Variants in SLC1A1 observed in about 807,000 individuals in gnomAD.
SLC1A1 encodes the protein solute carrier family 1 member 1.
Under a neutral mutation model 53.3 loss-of-function variants are expected in SLC1A1, and 43 were observed. The ratio of observed to expected loss-of-function variants is 0.81; its 90% CI spans 0.63 to 1.04. SLC1A1 has a LOEUF of 1.04. Ranked by LOEUF, SLC1A1 falls within the 50% of genes least tolerant of loss-of-function variation. The pLI, the probability that SLC1A1 is intolerant of heterozygous loss-of-function variation, is 0.00. For missense variants in SLC1A1, 748 were observed against 664.9 expected, an observed-to-expected ratio of 1.12 and a Z score of -1.37; for synonymous variants, 307 against 243.2, an observed-to-expected ratio of 1.26 and a Z score of -2.44.
intron 10 of SLC1A1, 83 bp downstream of exon 10, chr9:4,576,846 A>G: frequency 8.1e-7 from 1 of 1,240,872 alleles, no homozygotes; most frequent in Non-Finnish European, 1.2e-6. Context: ...GACACCAAGA[A>G]TGTCGCAGTG....
intron 1 of SLC1A1, among the ~76,000 whole-genome samples, chr9:4,512,057 A>G (rs972209888): frequency 3.3e-5 from 5 of 152,226 alleles, no homozygotes; most frequent in African/African-American, 1.2e-4. Context: ...AAAGAAATCA[A>G]TGAATGCCAA....
chr9:4,567,385 T>A (rs1819588176), intron 5 of SLC1A1, among the ~76,000 whole-genome samples: 1 of 152,234 alleles, frequency 6.6e-6, no homozygotes, highest in South Asian at 2.1e-4. Context: ...TACTTTCTTT[T>A]GTATTATTCT....
At chr9:4,563,975 T>A (rs1819232674) in intron 3 of SLC1A1, among the ~76,000 whole-genome samples, 1 of 152,156 alleles carries the variant, frequency 6.6e-6, no homozygotes, top group South Asian at 2.1e-4. Flanking sequence ...AGAAAATGGA[T>A]CATCCTTACC....
At chr9:4,512,660 A>T (rs934716753) in intron 1 of SLC1A1, among the ~76,000 whole-genome samples, 2 of 152,208 alleles carry the variant, frequency 1.3e-5, no homozygotes, top group Non-Finnish European at 2.9e-5. Context: ...GTGAAAAGGT[A>T]GACATGGCAA....
chr9:4,552,082 G>A (rs1286991122), intron 2 of SLC1A1, among the ~76,000 whole-genome samples: 1 of 152,194 alleles, frequency 6.6e-6, no homozygotes, highest in Non-Finnish European at 1.5e-5. Context: ...TATTAGACTT[G>A]TTCATAGCTC....
Position 4,586,728 on chromosome 9 carries a change from G to C in SLC1A1, c.*1170G>C, listed in dbSNP as rs1195924104. 1 of 152,188 alleles carries C rather than the reference G, an allele frequency of 6.6e-6. No individual in the cohort carries two copies. The highest frequency in any genetic ancestry group is 6.5e-5 in the Admixed American group (1 of 15,284). 9.4% of individuals were successfully genotyped at this position (152,188 alleles called of 1,614,324 possible). Reference sequence around the variant, plus strand: ...TATTTTAATAAAGATTCCATGGGTTGAACAAGCCACGTTGCAGAAAAAGAG... The same window carrying C: ...TATTTTAATAAAGATTCCATGGGTTCAACAAGCCACGTTGCAGAAAAAGAG... On this transcript the variant is annotated 3_prime_UTR_variant, in exon 12 of 12. Transcript: ENST00000262352.
At chr9:4,526,684 G>C (rs889078868) in intron 1 of SLC1A1, among the ~76,000 whole-genome samples, 7 of 152,058 alleles carry the variant, frequency 4.6e-5, no homozygotes, top group Non-Finnish European at 8.8e-5. Context: ...CAATAATTCA[G>C]ATTCTGTATA....
At chr9:4,551,467 C>A (rs1483513939) in intron 2 of SLC1A1, among the ~76,000 whole-genome samples, 1 of 152,180 alleles carries the variant, frequency 6.6e-6, no homozygotes, top group African/African-American at 2.4e-5. Context: ...AGGAGTCCCT[C>A]GTTAGCAAGA....
rs751267378 is a variant in SLC1A1 at position 4,490,787 on chromosome 9, G to A, written c.91+17G>A. 2 of 1,603,076 alleles carry A rather than the reference G, an allele frequency of 1.2e-6. No homozygotes were observed. Among genetic ancestry groups the A allele is most frequent in the Admixed American group, 1.7e-5 (1 of 59,680 alleles). ...TGGTGCTAGGTGAGCGGCGCGGCGGGTGGGCGATGCGCGCACCCTCACGCG... is the reference window on the plus strand; with the variant it reads ...TGGTGCTAGGTGAGCGGCGCGGCGGATGGGCGATGCGCGCACCCTCACGCG... On this transcript the variant is annotated intron_variant, in intron 1 of 11. Transcript: ENST00000262352.
At chr9:4,577,265 G>A (rs1261398929) in intron 10 of SLC1A1, among the ~76,000 whole-genome samples, 1 of 152,168 alleles carries the variant, frequency 6.6e-6, no homozygotes, top group Non-Finnish European at 1.5e-5. Context: ...AAAGCTAGGA[G>A]CATTTGGAGT....
chr9:4,582,965 T>G (rs1162976624), intron 10 of SLC1A1, 73 bp from the exon 11 acceptor site: 4 of 1,591,910 alleles, frequency 2.5e-6, no homozygotes, highest in Non-Finnish European at 3.4e-6. Flanking sequence ...TAAGCGGGAG[T>G]AACCATTTCA....
At chr9:4,507,275 T>C (rs13289148) in intron 1 of SLC1A1, among the ~76,000 whole-genome samples, 87,915 of 151,516 alleles carry the variant, frequency 0.58, 25,759 homozygotes, top group Middle Eastern at 0.63. Flanking sequence ...GTAAACAAAA[T>C]CCTCAAGTGT....
intron 2 of SLC1A1, among the ~76,000 whole-genome samples, chr9:4,548,685 T>TTTG (rs1817682967): frequency 6.6e-6 from 1 of 152,202 alleles, no homozygotes; most frequent in Non-Finnish European, 1.5e-5. Context: ...TGTTAATGAT[T>TTTG]TTGTTAGAGA....
intron 1 of SLC1A1, among the ~76,000 whole-genome samples, chr9:4,525,089 G>A (rs1183908907): frequency 4.6e-5 from 7 of 152,184 alleles, no homozygotes; most frequent in Non-Finnish European, 5.9e-5. Context: ...ATGGGGAAAA[G>A]TGATATGATC....
rs549786460 is a variant in SLC1A1 at position 4,556,296 on chromosome 9, C to A, written c.233-5153C>A. On this transcript the variant is annotated intron_variant, in intron 2 of 11. Transcript: ENST00000262352. This position sits in a 1 kb window ranked among gnomAD's most constrained non-coding sequence, Gnocchi z 4.1. ...GGGCCTCCCAAAGTGCTGGGATTAC[C>A]GGCGTGAGCCACTACGCCCCGCCCC... is the stretch of plus-strand genomic sequence containing the variant. Among the ~76,000 whole-genome samples, 1 of 152,048 alleles carries A rather than the reference C, an allele frequency of 6.6e-6. No individual in the cohort carries two copies. The highest frequency in any genetic ancestry group is 1.5e-5 in the Non-Finnish European group (1 of 67,998).
At chr9:4,563,247 T>C (rs758353581) in intron 3 of SLC1A1, among the ~76,000 whole-genome samples, 1 of 151,548 alleles carries the variant, frequency 6.6e-6, no homozygotes, top group Non-Finnish European at 1.5e-5. Flanking sequence ...AATGAGCTGA[T>C]AAGAAGGGGT....
At chr9:4,529,039 C>T (rs1019576901) in intron 1 of SLC1A1, among the ~76,000 whole-genome samples, 3 of 152,134 alleles carry the variant, frequency 2.0e-5, no homozygotes, top group Non-Finnish European at 2.9e-5. Context: ...TGCCTTCCAC[C>T]TTCAGACATA....
At chr9:4,557,961 G>A (rs761897839) in intron 2 of SLC1A1, among the ~76,000 whole-genome samples, 1 of 152,124 alleles carries the variant, frequency 6.6e-6, no homozygotes, top group Non-Finnish European at 1.5e-5. Context: ...TGTAAAATGG[G>A]GGTAATAATG....
At position 4,572,513 on chromosome 9, in the gene SLC1A1, C is replaced by A. The variant is rs1481135189; in HGVS notation, c.767+125C>A. On this transcript the variant is annotated intron_variant, in intron 7 of 11. Transcript: ENST00000262352. ...GAGAAGTTGGACATTTAATATTGAA[C>A]CACCAGAGTATTTTGTGGGGGCTTT... 1.5e-5 allele frequency: 13 copies of A among 876,786 alleles called. No individual in the cohort carries two copies. In the African/African-American group the frequency reaches 2.2e-4, roughly 15 times the overall value. The allele number at this position is 876,786 out of a possible 1,614,324, so 54.3% of individuals were successfully genotyped here. A position where few individuals can be genotyped will look rare whatever the true frequency, so the allele number is the denominator to read the frequency against.
Sources: allele counts gnomAD v4.1 joint callset (sites outside exome capture counted in the v4.1 genomes callset), GRCh38; gene constraint gnomAD v4.1.1; non-coding constraint Gnocchi (gnomAD v3.1); transcripts MANE v1.5; gene names NCBI Gene and HGNC (gene_info 2026-07-23, HGNC 2026-07-21).